The following CFD variants were observed in gnomAD, a reference collection of about 807,000 sequenced individuals.
CFD encodes the protein C3 convertase activator.
In CFD, 24 loss-of-function variants were observed where a neutral mutation model predicts 21.1. That is an observed-to-expected ratio of 1.14 (90% confidence interval 0.82 to 1.60). The LOEUF is 1.60. CFD is among the 40% of genes most tolerant of loss of function. The probability of loss-of-function intolerance (pLI) is 0.00; values close to 1 mark genes in which losing one functional copy is unlikely to be tolerated. For missense variants in CFD, 535 were observed against 383.3 expected (o/e 1.40, Z -3.31); for synonymous variants, 242 against 175.9 (o/e 1.38, Z -2.97).
chr19:860,753 G>A lies in CFD; in HGVS notation c.192G>A (p.Ala64=), dbSNP rs754456696. ...TGGCGGAGCAGTGGGTGCTGAGCGCGGCGCACTGCCTGGAGGACGCGTGAG... is the reference window on the plus strand; with the variant it reads ...TGGCGGAGCAGTGGGTGCTGAGCGCAGCGCACTGCCTGGAGGACGCGTGAG... The part of the protein sequence containing the change: ...VLVAEQWVLS[A]AHCLEDAADG... The change falls in exon 2 of 5, where the codon GCG becomes GCA. Residue 64 remains alanine (A), a synonymous_variant. Coordinates refer to ENST00000327726, the MANE Select transcript of CFD (RefSeq NM_001928.4). 58 of 1,567,726 alleles carry A rather than the reference G, an allele frequency of 3.7e-5. No homozygotes were observed. Among genetic ancestry groups the A allele is most frequent in the Admixed American group, 2.0e-4 (11 of 55,760 alleles).
intron 1 of CFD, 92 bp from the exon 2 acceptor site, chr19:860,525 C>A: frequency 2.5e-6 from 3 of 1,223,638 alleles, no homozygotes; most frequent in Non-Finnish European, 3.1e-6. Flanking sequence ...TTGCGGGGAG[C>A]GGCCTGGGGG....
In CFD at chr19:863,178, G is replaced by A; in HGVS notation, c.702G>A (p.Lys234=). 1 of 1,470,542 alleles carries A rather than the reference G, an allele frequency of 6.8e-7. No individual in the cohort carries two copies. Among genetic ancestry groups the A allele is most frequent in the Non-Finnish European group, 9.0e-7 (1 of 1,114,688 alleles). 91.1% of individuals were successfully genotyped at this position (1,470,542 alleles called of 1,614,324 possible). The change falls in exon 5 of 5, where the codon AAG becomes AAA. Residue 234 remains lysine (K), a synonymous_variant. Coordinates refer to ENST00000327726, the MANE Select transcript of CFD (RefSeq NM_001928.4). ...CGCGCGTTTGCGGCAACCGCAAGAA[G>A]CCCGGGATCTACACCCGCGTGGCGA... is the stretch of plus-strand genomic sequence containing the variant. ...SGSRVCGNRK[K]PGIYTRVASY...
chr19:860,574 G>A (rs1180185803), intron 1 of CFD, 43 bp from the exon 2 acceptor site: 4 of 1,385,554 alleles, frequency 2.9e-6, no homozygotes, highest in Middle Eastern at 2.6e-4. Flanking sequence ...TCGCCCGGGG[G>A]AGGAGTCCAC....
Position 863,314 on chromosome 19 carries a change from G to C in CFD, c.*76G>C. On this transcript the variant is annotated 3_prime_UTR_variant, in exon 5 of 5. Transcript: ENST00000327726. ...ATGAAGTCATCCACTCCTGCATCTGGTTGGTCTTTATTGAGCACCTACTAT... is the reference window on the plus strand; with the variant it reads ...ATGAAGTCATCCACTCCTGCATCTGCTTGGTCTTTATTGAGCACCTACTAT... 6.6e-7 allele frequency: 1 copy of C among 1,517,974 alleles called. No homozygotes were observed. Among genetic ancestry groups the C allele is most frequent in the Non-Finnish European group, 8.8e-7 (1 of 1,130,312 alleles). 94.0% of individuals were successfully genotyped at this position (1,517,974 alleles called of 1,614,324 possible).
chr19:863,287 C>T lies in CFD; in HGVS notation c.*49C>T, dbSNP rs758482314. On this transcript the variant is annotated 3_prime_UTR_variant, in exon 5 of 5. Transcript: ENST00000327726. ...GTCACCCAAGCAACAAAGTCCCGAG[C>T]AATGAAGTCATCCACTCCTGCATCT... 5.5e-5 allele frequency: 84 copies of T among 1,539,778 alleles called. No homozygotes were observed. Among genetic ancestry groups the T allele is most frequent in the Non-Finnish European group, 7.0e-5 (80 of 1,148,342 alleles).
At chr19:862,178 C>A (rs1400963743) in intron 4 of CFD, among the ~76,000 whole-genome samples, 1 of 136,796 alleles carries the variant, frequency 7.3e-6, no homozygotes, top group African/African-American at 2.8e-5. Context: ...GGGGGCGAGG[C>A]CTGGAGAAGG....
At chr19:860,829 G>T in intron 2 of CFD, 32 bp from the exon 3 acceptor site, 1 of 1,556,058 alleles carries the variant, frequency 6.4e-7, no homozygotes, top group Non-Finnish European at 8.6e-7. Flanking sequence ...GGAGTCGGCT[G>T]GCACCGACCG....
chr19:859,668 T>G lies in CFD; in HGVS notation c.-22T>G. On this transcript the variant is annotated 5_prime_UTR_variant, in exon 1 of 5. Coordinates refer to ENST00000327726, the MANE Select transcript of CFD (RefSeq NM_001928.4). Reference sequence around the variant, plus strand: ...CCCCAGGGCCCTGCCTGGGTCAGTGTCTCAGCCACAGCGGCTTCACCATGC... The same window carrying G: ...CCCCAGGGCCCTGCCTGGGTCAGTGGCTCAGCCACAGCGGCTTCACCATGC... 3.2e-6 allele frequency: 5 copies of G among 1,555,764 alleles called. No homozygotes were observed. Among genetic ancestry groups the G allele is most frequent in the Non-Finnish European group, 4.3e-6 (5 of 1,149,792 alleles).
In CFD at chr19:863,438, A is replaced by C. The variant is rs1361168389; in HGVS notation, c.*200A>C. The stretch of plus-strand genomic sequence containing the variant: ...CGACTCCATCTCTACAAATAAATAA[A>C]AAATTAGCTGGGCAATTGGCGGGCA... On this transcript the variant is annotated 3_prime_UTR_variant, in exon 5 of 5. Transcript: ENST00000327726. 3.1e-6 allele frequency: 2 copies of C among 642,158 alleles called. No homozygotes were observed. The highest frequency in any genetic ancestry group is 5.4e-6 in the Non-Finnish European group (2 of 367,518). The allele number at this position is 642,158 out of a possible 1,614,324, so 39.8% of individuals were successfully genotyped here.
rs781192454 is a variant in CFD at position 860,990 on chromosome 19, C to T, written c.342C>T (p.Asp114=). Residue 114 remains aspartate (D), a synonymous_variant, in exon 3 of 5, where the codon GAC becomes GAT. Coordinates refer to ENST00000327726, the MANE Select transcript of CFD (RefSeq NM_001928.4). ...PDSQPDTIDH[D]LLLLQLSEKA... ...GCCAGCCCGACACCATCGACCACGACCTCCTGCTGCTACAGGTCGGCCCCG... is the reference window on the plus strand; with the variant it reads ...GCCAGCCCGACACCATCGACCACGATCTCCTGCTGCTACAGGTCGGCCCCG... 2 of 1,598,698 alleles carry T rather than the reference C, an allele frequency of 1.3e-6. No homozygotes were observed. Among genetic ancestry groups the T allele is most frequent in the Admixed American group, 1.7e-5 (1 of 59,906 alleles).
Position 863,282 on chromosome 19 carries a change from C to T in CFD, c.*44C>T, listed in dbSNP as rs765945238. On this transcript the variant is annotated 3_prime_UTR_variant, in exon 5 of 5. Coordinates refer to ENST00000327726, the MANE Select transcript of CFD (RefSeq NM_001928.4). ...TCAGGGTCACCCAAGCAACAAAGTC[C>T]CGAGCAATGAAGTCATCCACTCCTG... is the stretch of plus-strand genomic sequence containing the variant. 7 of 1,542,342 alleles carry T rather than the reference C, an allele frequency of 4.5e-6. No homozygotes were observed. Among genetic ancestry groups the T allele is most frequent in the Non-Finnish European group, 6.1e-6 (7 of 1,150,106 alleles).
intron 2 of CFD, 38 bp downstream of exon 2, chr19:860,811 C>A (rs1187605353): frequency 1.3e-6 from 2 of 1,555,906 alleles, no homozygotes; most frequent in South Asian, 2.3e-5. Context: ...AGCCCGGGTG[C>A]GGTGGGGGGA....
Position 861,806 on chromosome 19 carries a change from A to C in CFD, c.465A>C (p.Ile155=). 6.2e-7 allele frequency: 1 copy of C among 1,603,902 alleles called. No homozygotes were observed. The highest frequency in any genetic ancestry group is 2.2e-5 in the East Asian group (1 of 44,774). The change falls in exon 4 of 5, where the codon ATA becomes ATC. Residue 155 remains isoleucine, a synonymous_variant. Transcript: ENST00000327726. ...GTLCDVAGWG[I]VNHAGRRPDS... Reference sequence around the variant, plus strand: ...TCTGCGACGTGGCCGGCTGGGGCATAGTCAACCACGCGGGCCGCCGCCCGG... The same window carrying C: ...TCTGCGACGTGGCCGGCTGGGGCATCGTCAACCACGCGGGCCGCCGCCCGG...
intron 3 of CFD, 42 bp from the exon 4 acceptor site, chr19:861,657 G>A: frequency 1.9e-6 from 3 of 1,544,528 alleles, no homozygotes; most frequent in Non-Finnish European, 2.6e-6. Context: ...CCCCAGCCTC[G>A]CACCCCCGCA....
chr19:863,362 G>A lies in CFD; in HGVS notation c.*124G>A. 2 of 1,172,112 alleles carry A rather than the reference G, an allele frequency of 1.7e-6. No individual in the cohort carries two copies. Among genetic ancestry groups the A allele is most frequent in the South Asian group, 1.3e-5 (1 of 75,916 alleles). The allele number at this position is 1,172,112 out of a possible 1,614,324, so 72.6% of individuals were successfully genotyped here. A position where few individuals can be genotyped will look rare whatever the true frequency, so the allele number is the denominator to read the frequency against. On this transcript the variant is annotated 3_prime_UTR_variant, in exon 5 of 5. Coordinates refer to ENST00000327726, the MANE Select transcript of CFD (RefSeq NM_001928.4). Reference sequence around the variant, plus strand: ...TATATGCAGAAGGGGAGGCCGAGGTGGGAGGATCATTGGATCTCAGGAGTT... The same window carrying A: ...TATATGCAGAAGGGGAGGCCGAGGTAGGAGGATCATTGGATCTCAGGAGTT...
intron 1 of CFD, 109 bp from the exon 2 acceptor site, chr19:860,508 G>A: frequency 1.7e-6 from 2 of 1,147,096 alleles, no homozygotes; most frequent in Non-Finnish European, 2.2e-6. Context: ...GCCCAGAGAT[G>A]GGATTCTTGC....
chr19:862,989 A>G lies in CFD; in HGVS notation c.616-103A>G, dbSNP rs906991681. The G allele has an allele frequency of 2.6e-5, 30 of 1,161,304 alleles. No homozygotes were observed. In the African/African-American group the frequency reaches 3.7e-4, roughly 14 times the overall value. The allele number at this position is 1,161,304 out of a possible 1,614,324, so 71.9% of individuals were successfully genotyped here. On this transcript the variant is annotated intron_variant, in intron 4 of 4. Transcript: ENST00000327726. ...AGACCAAATTAACACGGGAGGGATG[A>G]GCGAGCATTGTGGGGCGGGAGCGGC...
chr19:861,659 AC>A, intron 3 of CFD, 39 bp from the exon 4 acceptor site: 6 of 1,542,908 alleles, frequency 3.9e-6, no homozygotes, highest in Non-Finnish European at 2.6e-6. Context: ...CCAGCCTCGC[AC>A]CCCCGCACCC....
In CFD at chr19:863,608, C is replaced by CA. The variant is rs1005923420; in HGVS notation, c.*386dup. ...CAGAGTGAAACCTTGTCTCTCTCTA[C>CA]AAAAAAAAAAAAAAAATTCTGCGTG... is the stretch of plus-strand genomic sequence containing the variant. On this transcript the variant is annotated 3_prime_UTR_variant, in exon 5 of 5. Coordinates refer to ENST00000327726, the MANE Select transcript of CFD (RefSeq NM_001928.4). 0.077 allele frequency: 8,531 copies of CA among 110,652 alleles called. 356 individuals are homozygous for CA. The highest frequency in any genetic ancestry group is 0.18 in the African/African-American group (4,994 of 27,106). The allele number at this position is 110,652 out of a possible 1,614,324, so 6.9% of individuals were successfully genotyped here.
Sources: allele counts gnomAD v4.1 joint callset (sites outside exome capture counted in the v4.1 genomes callset), GRCh38; gene constraint gnomAD v4.1.1; transcripts MANE v1.5; gene names NCBI Gene and HGNC (gene_info 2026-07-23, HGNC 2026-07-21).